The following SNX29 variants were observed in gnomAD, a reference collection of about 807,000 sequenced individuals.
SNX29 encodes sorting nexin-29.
SNX29 carries 78 observed loss-of-function variants against 102.1 expected under a neutral mutation model. That is an observed-to-expected ratio of 0.76 (90% confidence interval 0.64 to 0.92). The LOEUF (loss-of-function observed/expected upper bound fraction) is 0.92. SNX29 is among the 40% of genes least tolerant of loss of function. SNX29 has a pLI of 0.00. For synonymous variants in SNX29, 580 were observed against 414.5 expected, an observed-to-expected ratio of 1.40 and a Z score of -4.85; for missense variants, 1,280 against 1,061.7, an observed-to-expected ratio of 1.21 and a Z score of -2.86.
intron 20 of SNX29, among the ~76,000 whole-genome samples, chr16:12,559,096 A>C (rs1003194779): frequency 1.1e-4 from 16 of 152,156 alleles, no homozygotes; most frequent in Non-Finnish European, 2.4e-4. Context: ...TCCTTAGTCT[A>C]GGATGAGTAG....
At chr16:12,393,392 TCATGCATGCATG>T (rs374651159) in intron 16 of SNX29, among the ~76,000 whole-genome samples, 13 of 141,910 alleles carry the variant, frequency 9.2e-5, no homozygotes, top group Non-Finnish European at 1.9e-4. Flanking sequence ...ATTCATTCAT[TCATGCATGCATG>T]CATGCATGCA....
At chr16:12,163,799 C>G (rs914647861) in intron 13 of SNX29, among the ~76,000 whole-genome samples, 3 of 152,164 alleles carry the variant, frequency 2.0e-5, no homozygotes, top group Non-Finnish European at 2.9e-5. Context: ...GGACCATAAG[C>G]TGATGCAGGC....
intron 20 of SNX29, chr16:12,557,461 A>T (rs2078440672): frequency 1.3e-5 from 2 of 152,174 alleles, no homozygotes; most frequent in South Asian, 4.1e-4. Context: ...TCCTGGGTTC[A>T]AGCAATTCTC....
intron 11 of SNX29, among the ~76,000 whole-genome samples, chr16:12,092,438 C>G (rs757842236): frequency 6.6e-6 from 1 of 152,184 alleles, no homozygotes. Flanking sequence ...GTGTCTCTAT[C>G]TCGGGATGCA....
At chr16:12,336,555 G>C (rs1033407746) in intron 15 of SNX29, among the ~76,000 whole-genome samples, 2 of 152,182 alleles carry the variant, frequency 1.3e-5, no homozygotes, top group Non-Finnish European at 2.9e-5. Context: ...TTTGCATTTG[G>C]AGTGGTGAAA....
At chr16:12,390,152 GTGT>G (rs2083475209) in intron 16 of SNX29, among the ~76,000 whole-genome samples, 38 of 125,906 alleles carry the variant, frequency 3.0e-4, no homozygotes, top group African/African-American at 1.2e-3. Flanking sequence ...ATTGAGGGGT[GTGT>G]GTGTGTGTGT....
At position 12,556,156 on chromosome 16, in the gene SNX29, G is replaced by C. The variant is rs7202641; in HGVS notation, c.2319-12350G>C. The stretch of plus-strand genomic sequence containing the variant: ...AAGTGATGGTTGGAGTGGTTAAATC[G>C]CTTTGTCGCCATGACACATCCCAGA... On this transcript the variant is annotated intron_variant, in intron 20 of 20. Coordinates refer to ENST00000566228, the MANE Select transcript of SNX29 (RefSeq NM_032167.5). 6.6e-3 allele frequency among the ~76,000 whole-genome samples: 1,004 copies of C among 152,198 alleles called. 12 individuals carry two copies. The highest frequency in any genetic ancestry group is 0.023 in the African/African-American group (956 of 41,502).
At position 12,570,829 on chromosome 16, in the gene SNX29, C is replaced by G. The variant is rs934883183; in HGVS notation, c.*2200C>G. ...TACTAACCCGTGAGAAACAAGTATG[C>G]TCTCAGCTGGTATTGAACTGGTGGG... On this transcript the variant is annotated 3_prime_UTR_variant, in exon 21 of 21. Transcript: ENST00000566228. The G allele has an allele frequency of 3.4e-5, 8 of 232,164 alleles. No homozygotes were observed. In the Admixed American group the frequency reaches 4.5e-4, roughly 13 times the overall value. The allele number at this position is 232,164 out of a possible 1,614,324, so 14.4% of individuals were successfully genotyped here. A position where few individuals can be genotyped will look rare whatever the true frequency, so the allele number is the denominator to read the frequency against.
chr16:12,411,357 C>A (rs1025056878), intron 18 of SNX29, among the ~76,000 whole-genome samples: 30 of 152,256 alleles, frequency 2.0e-4, no homozygotes, highest in African/African-American at 7.0e-4. Context: ...CTGTGTCTCT[C>A]CTTGAGAGCT....
At chr16:12,208,256 A>G (rs894535445) in intron 14 of SNX29, among the ~76,000 whole-genome samples, 3 of 152,188 alleles carry the variant, frequency 2.0e-5, no homozygotes, top group Non-Finnish European at 4.4e-5. Flanking sequence ...TGCTTTGCAC[A>G]AGAACTCTAC....
intron 3 of SNX29, among the ~76,000 whole-genome samples, chr16:12,022,348 C>CT (rs2057053576): frequency 6.6e-6 from 1 of 151,868 alleles, no homozygotes; most frequent in Admixed American, 6.6e-5. Context: ...TTACAGGAGC[C>CT]TGCCACCACA....
chr16:12,472,172 G>C (rs2087377000), intron 18 of SNX29, among the ~76,000 whole-genome samples: 1 of 152,194 alleles, frequency 6.6e-6, no homozygotes, highest in Non-Finnish European at 1.5e-5. Context: ...ACAGTACTGA[G>C]TGAAAGAAAC....
intron 15 of SNX29, among the ~76,000 whole-genome samples, chr16:12,344,265 G>T (rs2081706449): frequency 6.6e-6 from 1 of 152,142 alleles, no homozygotes; most frequent in African/African-American, 2.4e-5. Context: ...CACAAAGGGA[G>T]AGGGTTTATA....
intron 15 of SNX29, among the ~76,000 whole-genome samples, chr16:12,340,847 C>T (rs947966008): frequency 6.6e-6 from 1 of 152,084 alleles, no homozygotes; most frequent in Non-Finnish European, 1.5e-5. Context: ...CCTCAGTGTC[C>T]CGCTTTATAG....
At chr16:12,111,629 A>G (rs1207661735) in intron 11 of SNX29, among the ~76,000 whole-genome samples, 1 of 152,192 alleles carries the variant, frequency 6.6e-6, no homozygotes, top group Non-Finnish European at 1.5e-5. Context: ...ATGGGTTGGG[A>G]ATGGCTTTGG....
At chr16:12,470,067 C>T (rs932077861) in intron 18 of SNX29, among the ~76,000 whole-genome samples, 10 of 152,164 alleles carry the variant, frequency 6.6e-5, no homozygotes, top group Admixed American at 2.0e-4. Flanking sequence ...GAACATTGTG[C>T]GTAACATGTC....
intron 18 of SNX29, among the ~76,000 whole-genome samples, chr16:12,463,090 C>A (rs1337583723): frequency 6.6e-6 from 1 of 152,212 alleles, no homozygotes; most frequent in Non-Finnish European, 1.5e-5. Flanking sequence ...TGCTGCTGCC[C>A]ATGCTGAAGA....
At chr16:12,556,350 C>G (rs375693899) in intron 20 of SNX29, 38 of 152,348 alleles carry the variant, frequency 2.5e-4, no homozygotes, top group African/African-American at 7.2e-4. Context: ...GGACTTCACT[C>G]ACCTGGTTGA....
At chr16:12,017,879 AT>A (rs1205170976) in intron 3 of SNX29, among the ~76,000 whole-genome samples, 4 of 151,262 alleles carry the variant, frequency 2.6e-5, no homozygotes, top group Non-Finnish European at 5.9e-5. Context: ...ATGTATTAGG[AT>A]TTTTTTTGGG....
Sources: gnomAD v4.1 joint callset for allele counts (sites outside exome capture counted in the v4.1 genomes callset) on GRCh38, gnomAD v4.1.1 for gene constraint, MANE v1.5 for transcripts, NCBI Gene and HGNC (gene_info 2026-07-23, HGNC 2026-07-21) for gene names.